Variants in SLC4A4 observed in about 807,000 individuals in gnomAD.
SLC4A4 encodes solute carrier family 4 member 4, also known as electrogenic sodium bicarbonate cotransporter 1.
SLC4A4 carries 27 observed loss-of-function variants against 111.5 expected under a neutral mutation model. The ratio of observed to expected loss-of-function variants is 0.24; its 90% confidence interval spans 0.18 to 0.33. The LOEUF is 0.33. SLC4A4 is among the 10% of genes least tolerant of loss of function. The probability of loss-of-function intolerance (pLI) is 1.00; values close to 1 mark genes in which losing one functional copy is unlikely to be tolerated. For synonymous variants in SLC4A4, 443 were observed against 463.4 expected (o/e 0.96, Z 0.57); for missense variants, 909 against 1,315.5 (o/e 0.69, Z 4.78).
chr4:71,350,187 T>A, intron 5 of SLC4A4, 115 bp downstream of exon 5: 1 of 1,054,012 alleles, frequency 9.5e-7, no homozygotes, highest in Non-Finnish European at 1.4e-6. Context: ...TAACATTTAT[T>A]CTCTCTTTTT....
chr4:71,272,471 T>A (rs1947376), intron 3 of SLC4A4, among the ~76,000 whole-genome samples: 18,084 of 152,180 alleles, frequency 0.12, 1,155 homozygotes, highest in South Asian at 0.19. Context: ...CTGGCTCTAA[T>A]TAGCATGTGC....
At chr4:71,428,685 A>G (rs144316502) in intron 7 of SLC4A4, among the ~76,000 whole-genome samples, 4 of 152,214 alleles carry the variant, frequency 2.6e-5, no homozygotes, top group Admixed American at 6.5e-5. Context: ...GAAGAGAGGA[A>G]AGAACAATAA....
rs1016103273 is a variant in SLC4A4 at position 71,087,627 on chromosome 4, A to T, written c.-64-5103A>T. On this transcript the variant is annotated intron_variant, in intron 1 of 26. Transcript: ENST00000649996. ...GTGTCTTTGTTCTCATTGGTTTCAAAGAACATCTTTATTTCTGCCTTCATT... is the reference window on the plus strand; with the variant it reads ...GTGTCTTTGTTCTCATTGGTTTCAATGAACATCTTTATTTCTGCCTTCATT... 1.8e-4 allele frequency among the ~76,000 whole-genome samples: 28 copies of T among 152,166 alleles called. 1 individual carries two copies. The highest frequency in any genetic ancestry group is 6.5e-4 in the African/African-American group (27 of 41,454).
intron 12 of SLC4A4, among the ~76,000 whole-genome samples, chr4:71,455,337 T>C (rs1215142560): frequency 6.6e-6 from 1 of 152,224 alleles, no homozygotes; most frequent in African/African-American, 2.4e-5. Context: ...AGCATGTTTT[T>C]CTCCTTTTCC....
At chr4:71,265,920 A>C (rs1477161746) in intron 3 of SLC4A4, among the ~76,000 whole-genome samples, 1 of 152,186 alleles carries the variant, frequency 6.6e-6, no homozygotes, top group Non-Finnish European at 1.5e-5. Flanking sequence ...TAGCTTTCTA[A>C]AATTTCTTTT....
At chr4:71,467,148 A>G (rs1727446143) in intron 13 of SLC4A4, among the ~76,000 whole-genome samples, 1 of 151,912 alleles carries the variant, frequency 6.6e-6, no homozygotes. Context: ...TTCAAGCCTG[A>G]AGTTAGTAGT....
chr4:71,357,753 A>G (rs1730414671), intron 6 of SLC4A4, among the ~76,000 whole-genome samples: 1 of 152,240 alleles, frequency 6.6e-6, no homozygotes. Context: ...TAATTATTCA[A>G]GATGGGATAT....
At chr4:71,448,672 C>A (rs1445314492) in intron 9 of SLC4A4, among the ~76,000 whole-genome samples, 1 of 152,076 alleles carries the variant, frequency 6.6e-6, no homozygotes, top group African/African-American at 2.4e-5. Flanking sequence ...CTGAACTATT[C>A]CCATAGGAGG....
At chr4:71,179,723 C>G (rs1048840134) in intron 2 of SLC4A4, among the ~76,000 whole-genome samples, 4 of 152,160 alleles carry the variant, frequency 2.6e-5, no homozygotes, top group Non-Finnish European at 4.4e-5. Context: ...AATGGAAGAA[C>G]ATTCCATGCT....
intron 6 of SLC4A4, among the ~76,000 whole-genome samples, chr4:71,374,070 A>G (rs1293153735): frequency 1.3e-5 from 2 of 152,206 alleles, no homozygotes; most frequent in African/African-American, 4.8e-5. Context: ...AGACTCTTCT[A>G]GATTCCTGCT....
intron 13 of SLC4A4, among the ~76,000 whole-genome samples, chr4:71,469,744 A>G (rs1209968640): frequency 3.3e-5 from 5 of 152,020 alleles, no homozygotes; most frequent in Middle Eastern, 3.4e-3. Context: ...TGCTCTACAC[A>G]TATCACTTTC....
intron 2 of SLC4A4, among the ~76,000 whole-genome samples, chr4:71,249,936 C>T (rs1334010996): frequency 6.6e-6 from 1 of 151,866 alleles, no homozygotes; most frequent in Non-Finnish European, 1.5e-5. Context: ...ATTATACATA[C>T]TTGTCCATTT....
At chr4:71,088,271 A>G (rs1295421678) in intron 1 of SLC4A4, among the ~76,000 whole-genome samples, 1 of 150,214 alleles carries the variant, frequency 6.7e-6, no homozygotes, top group Non-Finnish European at 1.5e-5. Flanking sequence ...ATCTTCCTCC[A>G]TCCCTTTATT....
chr4:71,101,194 G>A (rs1192271437), intron 2 of SLC4A4, among the ~76,000 whole-genome samples: 3 of 152,178 alleles, frequency 2.0e-5, no homozygotes, highest in Non-Finnish European at 4.4e-5. Context: ...AAGAAGTGGA[G>A]CTTGCAGTGA....
intron 6 of SLC4A4, among the ~76,000 whole-genome samples, chr4:71,391,394 G>A (rs1217751568): frequency 6.6e-6 from 1 of 152,046 alleles, no homozygotes; most frequent in Admixed American, 6.6e-5. Flanking sequence ...ACATTAATAT[G>A]TACACATTCA....
At chr4:71,326,024 G>A (rs956833128) in intron 3 of SLC4A4, among the ~76,000 whole-genome samples, 6 of 151,898 alleles carry the variant, frequency 4.0e-5, no homozygotes, top group African/African-American at 1.2e-4. Flanking sequence ...TTTTTAGAGT[G>A]TTACAGTGGT....
intron 6 of SLC4A4, among the ~76,000 whole-genome samples, chr4:71,383,395 A>G (rs1399143341): frequency 6.6e-6 from 1 of 152,232 alleles, no homozygotes; most frequent in Non-Finnish European, 1.5e-5. Flanking sequence ...TAAAGTCATC[A>G]CATACCCTCT....
intron 7 of SLC4A4, among the ~76,000 whole-genome samples, chr4:71,414,551 T>C (rs1184645112): frequency 2.0e-5 from 3 of 152,268 alleles, no homozygotes; most frequent in Non-Finnish European, 2.9e-5. Flanking sequence ...TCTACCCTTT[T>C]ACCATGCATG....
intron 12 of SLC4A4, among the ~76,000 whole-genome samples, chr4:71,456,055 C>T (rs2149083996): frequency 6.6e-6 from 1 of 152,228 alleles, no homozygotes; most frequent in East Asian, 1.9e-4. Flanking sequence ...TTAAGTAGTC[C>T]ACTAAAATAA....
Sources: gnomAD v4.1 joint callset for allele counts (sites outside exome capture counted in the v4.1 genomes callset) on GRCh38, gnomAD v4.1.1 for gene constraint, MANE v1.5 for transcripts, NCBI Gene and HGNC (gene_info 2026-07-23, HGNC 2026-07-21) for gene names.